Variants in WDR7 observed in about 807,000 individuals in gnomAD.
WDR7 encodes the protein WD repeat domain 7, also known as WD repeat-containing protein 7.
A neutral mutation model predicts 169.4 loss-of-function variants in WDR7; 46 were observed. The ratio of observed to expected loss-of-function variants is 0.27; its 90% CI spans 0.21 to 0.35. WDR7 has a LOEUF of 0.35. Ranked by LOEUF, WDR7 falls within the 10% of genes least tolerant of loss-of-function variation. The pLI, the probability that WDR7 is intolerant of heterozygous loss-of-function variation, is 1.00. For missense variants in WDR7, 1,534 were observed against 1,859.3 expected (o/e 0.83, Z 3.22); for synonymous variants, 612 against 666.8 (o/e 0.92, Z 1.27).
intron 17 of WDR7, 94 bp from the exon 18 acceptor site, chr18:56,779,337 C>T: frequency 1.1e-6 from 1 of 879,916 alleles, no homozygotes; most frequent in Non-Finnish European, 1.7e-6. Context: ...GCAGATCTGC[C>T]TTTTTTTGTT....
chr18:57,020,715 A>G (rs376542925), intron 26 of WDR7, 30 bp from the exon 27 acceptor site: 570 of 1,602,834 alleles, frequency 3.6e-4, no homozygotes, highest in Non-Finnish European at 4.5e-4. Context: ...TGAAATGCTT[A>G]TCATTCATGA....
chr18:56,952,009 CTT>C (rs1286326392), intron 25 of WDR7, among the ~76,000 whole-genome samples: 1 of 152,206 alleles, frequency 6.6e-6, no homozygotes. Flanking sequence ...TTGCCAACCT[CTT>C]TGATGTCTGG....
intron 21 of WDR7, among the ~76,000 whole-genome samples, chr18:56,895,885 C>T (rs1014758683): frequency 2.0e-5 from 3 of 151,730 alleles, no homozygotes; most frequent in African/African-American, 7.2e-5. Context: ...CAATCAAAAT[C>T]TCATCATTCT....
At chr18:56,967,138 T>C (rs2047419315) in intron 26 of WDR7, among the ~76,000 whole-genome samples, 1 of 152,122 alleles carries the variant, frequency 6.6e-6, no homozygotes, top group African/African-American at 2.4e-5. Flanking sequence ...CATCTAGGCT[T>C]TTGTAGGTGC....
intron 21 of WDR7, among the ~76,000 whole-genome samples, chr18:56,903,047 T>C (rs543184857): frequency 3.3e-4 from 51 of 152,326 alleles, no homozygotes; most frequent in Non-Finnish European, 6.2e-4. Flanking sequence ...CTTTCTGACT[T>C]AAATATCAAG....
At chr18:56,838,772 TG>T (rs2045434039) in intron 20 of WDR7, among the ~76,000 whole-genome samples, 1 of 152,196 alleles carries the variant, frequency 6.6e-6, no homozygotes, top group Non-Finnish European at 1.5e-5. Flanking sequence ...GGATGTGAAT[TG>T]TTTTGCGTAT....
intron 14 of WDR7, among the ~76,000 whole-genome samples, chr18:56,756,085 A>T (rs974243363): frequency 1.3e-5 from 2 of 152,196 alleles, no homozygotes; most frequent in Non-Finnish European, 2.9e-5. Flanking sequence ...AAAGGATCTA[A>T]GTAGACTGTA....
At chr18:56,692,613 CTGTT>C (rs2025600809) in intron 9 of WDR7, among the ~76,000 whole-genome samples, 4 of 151,666 alleles carry the variant, frequency 2.6e-5, no homozygotes, top group African/African-American at 9.7e-5. Flanking sequence ...TTTAGCCTGT[CTGTT>C]CTTTATTCAA....
chr18:56,815,975 G>T, intron 19 of WDR7, 56 bp from the exon 20 acceptor site: 1 of 1,398,702 alleles, frequency 7.1e-7, no homozygotes, highest in Non-Finnish European at 9.6e-7. Context: ...CAAACTTTCT[G>T]TTTGCTTTAC....
At chr18:56,679,493 A>G (rs1381860148) in intron 3 of WDR7, 55 bp downstream of exon 3, 9 of 1,322,500 alleles carry the variant, frequency 6.8e-6, no homozygotes, top group Admixed American at 2.0e-5. Context: ...ACTAGCACCA[A>G]TGCCTTGTAA....
At chr18:56,745,714 AG>A (rs548435336) in intron 14 of WDR7, among the ~76,000 whole-genome samples, 11 of 152,332 alleles carry the variant, frequency 7.2e-5, no homozygotes, top group Admixed American at 7.2e-4. Context: ...CCCTTGTTCT[AG>A]AAAATTAGTC....
Position 56,865,446 on chromosome 18 carries a change from T to A in WDR7, c.3305-14498T>A, listed in dbSNP as rs1184688853. Among the ~76,000 whole-genome samples the A allele has an allele frequency of 3.3e-5, 5 of 152,260 alleles. No individual in the cohort carries two copies. In the East Asian group the frequency reaches 9.6e-4, roughly 29 times the overall value. ...CCCTTATGTTGATTCTTAGCTATTG[T>A]TTGATATTACACAGTAAACTTCAGA... On this transcript the variant is annotated intron_variant, in intron 20 of 27. Coordinates refer to ENST00000254442, the MANE Select transcript of WDR7 (RefSeq NM_015285.3).
chr18:56,860,377 A>G (rs1169796735), intron 20 of WDR7, among the ~76,000 whole-genome samples: 1 of 152,200 alleles, frequency 6.6e-6, no homozygotes, highest in Non-Finnish European at 1.5e-5. Context: ...CATCCCAGCT[A>G]AAGCAAAATG....
At chr18:56,662,247 A>G (rs653157) in intron 1 of WDR7, among the ~76,000 whole-genome samples, 139,705 of 152,236 alleles carry the variant, frequency 0.92, 65,279 homozygotes, top group East Asian at 1. Flanking sequence ...CTGTGAAAAC[A>G]CCCTGTTGCT....
chr18:56,853,629 T>C (rs544925516), intron 20 of WDR7, among the ~76,000 whole-genome samples: 1 of 152,320 alleles, frequency 6.6e-6, no homozygotes, highest in African/African-American at 2.4e-5. Context: ...TCTTCATGTG[T>C]GTTCTTGTCT....
intron 20 of WDR7, among the ~76,000 whole-genome samples, chr18:56,822,886 C>T (rs1028061000): frequency 2.0e-5 from 3 of 151,924 alleles, no homozygotes; most frequent in Non-Finnish European, 4.4e-5. Flanking sequence ...TCTGAGTGAA[C>T]TATGTCATTT....
chr18:56,912,325 C>T (rs955947549), intron 21 of WDR7, among the ~76,000 whole-genome samples: 2 of 152,188 alleles, frequency 1.3e-5, no homozygotes, highest in Admixed American at 1.3e-4. Flanking sequence ...ATATCCATTT[C>T]ATCCACCATT....
intron 26 of WDR7, among the ~76,000 whole-genome samples, chr18:56,981,422 C>T (rs547158020): frequency 7.6e-4 from 115 of 151,808 alleles, no homozygotes; most frequent in Non-Finnish European, 1.4e-3. Flanking sequence ...TGTCTGTGCT[C>T]GACATAAAAA....
intron 7 of WDR7, among the ~76,000 whole-genome samples, chr18:56,688,544 C>T (rs890477453): frequency 3.5e-4 from 47 of 132,834 alleles, no homozygotes; most frequent in African/African-American, 1.2e-3. Flanking sequence ...TGTGAAACCC[C>T]GTCTCTACTA....
Sources: gnomAD v4.1 joint callset for allele counts (sites outside exome capture counted in the v4.1 genomes callset) on GRCh38, gnomAD v4.1.1 for gene constraint, MANE v1.5 for transcripts, NCBI Gene and HGNC (gene_info 2026-07-23, HGNC 2026-07-21) for gene names.